ADCK1: variants seen among roughly 807,000 people sequenced by gnomAD.
ADCK1 encodes the protein aarF domain-containing protein kinase 1.
ADCK1 carries 41 observed loss-of-function variants against 52.3 expected under a neutral mutation model. The ratio of observed to expected loss-of-function variants is 0.78; its 90% CI spans 0.61 to 1.02. The LOEUF is 1.02. Ranked by LOEUF, ADCK1 falls within the 50% of genes least tolerant of loss-of-function variation. The pLI, the probability that ADCK1 is intolerant of heterozygous loss-of-function variation, is 0.00. For synonymous variants in ADCK1, 250 were observed against 274.6 expected (o/e 0.91, Z 0.89); for missense variants, 658 against 679.5 (o/e 0.97, Z 0.35).
chr14:77,862,576 G>A (rs3783969), intron 4 of ADCK1, among the ~76,000 whole-genome samples: 57,736 of 152,112 alleles, frequency 0.38, 11,755 homozygotes, highest in Admixed American at 0.51. Flanking sequence ...CGAGGCTGTT[G>A]ACCACCCTGG....
chr14:77,831,807 G>A (rs919491892), intron 3 of ADCK1, among the ~76,000 whole-genome samples: 2 of 152,172 alleles, frequency 1.3e-5, no homozygotes, highest in African/African-American at 4.8e-5. Flanking sequence ...GAGAAAAAGG[G>A]ACTCAAATTT....
At chr14:77,815,993 G>C (rs1447447608) in intron 1 of ADCK1, among the ~76,000 whole-genome samples, 4 of 151,880 alleles carry the variant, frequency 2.6e-5, no homozygotes, top group African/African-American at 9.7e-5. Context: ...TGTTAATAGA[G>C]ATGGGGTTTC....
At chr14:77,846,434 C>T (rs2082175270) in intron 3 of ADCK1, among the ~76,000 whole-genome samples, 1 of 152,192 alleles carries the variant, frequency 6.6e-6, no homozygotes, top group Non-Finnish European at 1.5e-5. Flanking sequence ...AGTCGGAGTC[C>T]ATGACTGTCC....
chr14:77,929,670 A>G (rs923394463), intron 9 of ADCK1, among the ~76,000 whole-genome samples: 1 of 146,996 alleles, frequency 6.8e-6, no homozygotes, highest in Non-Finnish European at 1.5e-5. Flanking sequence ...AGTGAACAAA[A>G]TTTTTTTTTT....
intron 4 of ADCK1, among the ~76,000 whole-genome samples, chr14:77,882,564 G>A (rs752783190): frequency 9.9e-5 from 15 of 152,228 alleles, no homozygotes; most frequent in Admixed American, 3.3e-4. Context: ...GAATTCAGCC[G>A]TCCCCCATCC....
intron 9 of ADCK1, among the ~76,000 whole-genome samples, chr14:77,930,621 C>G (rs921854625): frequency 6.6e-6 from 1 of 152,168 alleles, no homozygotes; most frequent in Non-Finnish European, 1.5e-5. Flanking sequence ...CACGTCCCAT[C>G]TCACCACTTA....
chr14:77,813,603 C>T (rs2081379789), intron 1 of ADCK1, among the ~76,000 whole-genome samples: 2 of 152,134 alleles, frequency 1.3e-5, no homozygotes, highest in South Asian at 4.1e-4. Context: ...GCCACGTGCC[C>T]AGCCTGAGTT....
Position 77,892,638 on chromosome 14 carries a change from G to GAAA in ADCK1, c.582+5402_582+5404dup, listed in dbSNP as rs11439066. Among the ~76,000 whole-genome samples, 61 of 126,630 alleles carry GAAA rather than the reference G, an allele frequency of 4.8e-4. No homozygotes were observed. The East Asian group carries it at 9.2e-3, about 19-fold the overall frequency. The allele number at this position is 126,630 out of a possible 152,430, so 83.1% of individuals were successfully genotyped here. On this transcript the variant is annotated intron_variant, in intron 5 of 10. Coordinates refer to ENST00000238561, the MANE Select transcript of ADCK1 (RefSeq NM_020421.4). ...GGGGACATCCTCATATTCTTTATCAGAAAAAAAAAAAAAAAGAGATCCCTA... is the reference window on the plus strand; with the variant it reads ...GGGGACATCCTCATATTCTTTATCAGAAAAAAAAAAAAAAAAAAGAGATCCCTA...
rs371634682 is a variant in ADCK1, at chr14:77,835,976, T to C, written c.219+13458T>C. On this transcript the variant is annotated intron_variant, in intron 3 of 10. Coordinates refer to ENST00000238561, the MANE Select transcript of ADCK1 (RefSeq NM_020421.4). ...CATCAGGTAGGCTCCTACTAATGGG[T>C]ATCTCCAAGTTCGTGTTTTAGAAAC... 3.3e-5 allele frequency among the ~76,000 whole-genome samples: 5 copies of C among 152,326 alleles called. No individual in the cohort carries two copies. In the East Asian group the frequency reaches 9.7e-4, roughly 29 times the overall value.
intron 4 of ADCK1, among the ~76,000 whole-genome samples, chr14:77,885,298 G>T (rs2083123402): frequency 6.6e-6 from 1 of 152,184 alleles, no homozygotes; most frequent in East Asian, 1.9e-4. Context: ...GAGGAGAAAA[G>T]ACAAGTGTGT....
At chr14:77,902,491 G>C (rs1333794050) in intron 6 of ADCK1, 1 of 152,220 alleles carries the variant, frequency 6.6e-6, no homozygotes, top group Non-Finnish European at 1.5e-5. Flanking sequence ...AAGTGATAAT[G>C]TTAACTAATT....
At chr14:77,900,899 CAA>C (rs1027232522) in intron 6 of ADCK1, among the ~76,000 whole-genome samples, 10 of 152,148 alleles carry the variant, frequency 6.6e-5, no homozygotes, top group African/African-American at 2.4e-4. Flanking sequence ...ATGTGGGAAA[CAA>C]TATCAGATAA....
intron 7 of ADCK1, among the ~76,000 whole-genome samples, chr14:77,912,296 A>G (rs994927185): frequency 2.0e-5 from 3 of 152,178 alleles, no homozygotes; most frequent in African/African-American, 4.8e-5. Context: ...ATGGGCCACT[A>G]TGGTGCTCTA....
At chr14:77,929,841 A>G (rs1003229444) in intron 9 of ADCK1, among the ~76,000 whole-genome samples, 3 of 151,958 alleles carry the variant, frequency 2.0e-5, no homozygotes, top group Non-Finnish European at 4.4e-5. Context: ...TAACTTTTGT[A>G]TTTTTAGTAG....
intron 4 of ADCK1, among the ~76,000 whole-genome samples, chr14:77,860,126 C>G (rs1362363228): frequency 6.6e-6 from 1 of 152,204 alleles, no homozygotes; most frequent in African/African-American, 2.4e-5. Context: ...TTCTGTGACC[C>G]TCCCTTGACC....
At chr14:77,870,577 G>A (rs11621071) in intron 4 of ADCK1, among the ~76,000 whole-genome samples, 8,229 of 152,286 alleles carry the variant, frequency 0.054, 306 homozygotes, top group Middle Eastern at 0.092. Flanking sequence ...TCTTGCAAAG[G>A]TGAGCTCTCC....
chr14:77,869,250 A>G (rs1385902101), intron 4 of ADCK1, among the ~76,000 whole-genome samples: 1 of 152,192 alleles, frequency 6.6e-6, no homozygotes, highest in Non-Finnish European at 1.5e-5. Context: ...TCTGAGATCA[A>G]GGTATCAGCA....
chr14:77,900,149 T>C (rs183271683), intron 6 of ADCK1, among the ~76,000 whole-genome samples: 225 of 151,690 alleles, frequency 1.5e-3, no homozygotes, highest in Non-Finnish European at 2.8e-3. Context: ...TAAAAACCAG[T>C]AGCATAGTTT....
intron 8 of ADCK1, among the ~76,000 whole-genome samples, chr14:77,924,955 A>G (rs2084153516): frequency 6.6e-6 from 1 of 152,206 alleles, no homozygotes; most frequent in Admixed American, 6.5e-5. Context: ...GGGAAGGAGT[A>G]ACTACATGTT....
Sources: gnomAD v4.1 joint callset for allele counts (sites outside exome capture counted in the v4.1 genomes callset) on GRCh38, gnomAD v4.1.1 for gene constraint, MANE v1.5 for transcripts, NCBI Gene and HGNC (gene_info 2026-07-23, HGNC 2026-07-21) for gene names.